Variants in TAFA2 observed in about 807,000 individuals in gnomAD.
TAFA2 encodes the protein TAFA chemokine like family member 2.
A neutral mutation model predicts 18.8 loss-of-function variants in TAFA2; 7 were observed. The observed-to-expected ratio is 0.37, with a 90% CI of 0.21 to 0.70. The LOEUF (loss-of-function observed/expected upper bound fraction) is 0.70. Among genes scored for constraint, TAFA2 ranks in the 30% least tolerant of loss-of-function variants. The pLI is 0.53. For missense variants in TAFA2, 122 were observed against 158.1 expected, an observed-to-expected ratio of 0.77 and a Z score of 1.23; for synonymous variants, 60 against 54.2, an observed-to-expected ratio of 1.11 and a Z score of -0.47.
chr12:62,174,541 G>A (rs934872304), intron 1 of TAFA2, among the ~76,000 whole-genome samples: 1 of 152,096 alleles, frequency 6.6e-6, no homozygotes, highest in African/African-American at 2.4e-5. Context: ...CATCAAATGT[G>A]AGGGATATCA....
intron 1 of TAFA2, among the ~76,000 whole-genome samples, chr12:61,913,378 G>T (rs1876691058): frequency 6.6e-6 from 1 of 152,264 alleles, no homozygotes; most frequent in Non-Finnish European, 1.5e-5. Context: ...ATATTTTATG[G>T]ATATGTGTTA....
chr12:62,172,881 A>G (rs2062487693), intron 1 of TAFA2, among the ~76,000 whole-genome samples: 1 of 152,258 alleles, frequency 6.6e-6, no homozygotes, highest in South Asian at 2.1e-4. Flanking sequence ...CCTGTGTTCA[A>G]TTCCAATTTA....
At chr12:61,941,162 T>C (rs1341043319) in intron 1 of TAFA2, among the ~76,000 whole-genome samples, 1 of 152,204 alleles carries the variant, frequency 6.6e-6, no homozygotes. Context: ...AGATATATTG[T>C]TACCATAAAC....
chr12:61,929,554 G>A (rs1289500576), intron 1 of TAFA2, among the ~76,000 whole-genome samples: 2 of 152,088 alleles, frequency 1.3e-5, no homozygotes, highest in Non-Finnish European at 2.9e-5. Context: ...TACACTGTTG[G>A]TGGGACTGTA....
At position 61,741,300 on chromosome 12, in the gene TAFA2, GTGTA is replaced by G. The variant is rs574691093; in HGVS notation, c.384+12318_384+12321del. On this transcript the variant is annotated intron_variant, in intron 4 of 4. Coordinates refer to ENST00000416284, the MANE Select transcript of TAFA2 (RefSeq NM_178539.5). ...TGTGTGTGTGAGTGTGTGTGTGTGTGTGTATGTGTCTCCATCTCTCTTGCATGTG... is the reference window on the plus strand; with the variant it reads ...TGTGTGTGTGAGTGTGTGTGTGTGTGTGTGTCTCCATCTCTCTTGCATGTG... 4.6e-5 allele frequency among the ~76,000 whole-genome samples: 7 copies of G among 151,612 alleles called. No individual in the cohort carries two copies. The South Asian group carries it at 1.5e-3, about 32-fold the overall frequency.
At chr12:61,855,146 T>C (rs1873831065) in intron 2 of TAFA2, among the ~76,000 whole-genome samples, 1 of 152,208 alleles carries the variant, frequency 6.6e-6, no homozygotes, top group Non-Finnish European at 1.5e-5. Flanking sequence ...CAGTTTGTCT[T>C]GGCAATAAGC....
intron 1 of TAFA2, among the ~76,000 whole-genome samples, chr12:61,893,949 A>T (rs1875736150): frequency 6.6e-6 from 1 of 152,212 alleles, no homozygotes; most frequent in Non-Finnish European, 1.5e-5. Flanking sequence ...GTTTCCCTAT[A>T]TGAACCCAAG....
intron 1 of TAFA2, among the ~76,000 whole-genome samples, chr12:62,182,871 A>G (rs1351584084): frequency 6.6e-6 from 1 of 152,238 alleles, no homozygotes; most frequent in Admixed American, 6.5e-5. Flanking sequence ...ACAGCTATAA[A>G]TAAGAATGAC....
chr12:62,227,159 G>T (rs946387573), intron 1 of TAFA2, among the ~76,000 whole-genome samples: 1 of 152,046 alleles, frequency 6.6e-6, no homozygotes, highest in South Asian at 2.1e-4. Flanking sequence ...TGTTCTGGTG[G>T]TGTAGAATTT....
intron 1 of TAFA2, among the ~76,000 whole-genome samples, chr12:61,910,706 T>C (rs991472253): frequency 1.3e-5 from 2 of 152,204 alleles, no homozygotes; most frequent in African/African-American, 4.8e-5. Context: ...AGGTCACACA[T>C]AACTATGAAA....
rs1013816165 is a variant in TAFA2, at chr12:61,708,442, T to C, written c.*1964A>G. On this transcript the variant is annotated 3_prime_UTR_variant, in exon 5 of 5. Coordinates refer to ENST00000416284, the MANE Select transcript of TAFA2 (RefSeq NM_178539.5). ...CAGTGTTGATTTAAAGAACATAGTTTAAAAAATGAGAAGCATGATGTATAA... is the reference window on the plus strand; with the variant it reads ...CAGTGTTGATTTAAAGAACATAGTTCAAAAAATGAGAAGCATGATGTATAA... 5.9e-5 allele frequency: 9 copies of C among 152,202 alleles called. No homozygotes were observed. The South Asian group carries it at 1.5e-3, about 25-fold the overall frequency. The allele number at this position is 152,202 out of a possible 1,614,324, so 9.4% of individuals were successfully genotyped here. A position where few individuals can be genotyped will look rare whatever the true frequency, so the allele number is the denominator to read the frequency against.
chr12:62,143,736 A>G (rs951720266), intron 1 of TAFA2, among the ~76,000 whole-genome samples: 1 of 152,122 alleles, frequency 6.6e-6, no homozygotes, highest in African/African-American at 2.4e-5. Context: ...CCTCAGTCAA[A>G]TTATCCTTTA....
chr12:62,159,769 G>A (rs1196743888), intron 1 of TAFA2, among the ~76,000 whole-genome samples: 2 of 152,210 alleles, frequency 1.3e-5, no homozygotes, highest in East Asian at 1.9e-4. Context: ...TATACTGCTC[G>A]GGTGATGGGT....
chr12:62,043,547 G>A (rs1331442659), intron 1 of TAFA2, among the ~76,000 whole-genome samples: 1 of 151,890 alleles, frequency 6.6e-6, no homozygotes, highest in Non-Finnish European at 1.5e-5. Flanking sequence ...ACACCAACAT[G>A]GCACATGTAT....
At chr12:62,176,483 T>C (rs1221187068) in intron 1 of TAFA2, among the ~76,000 whole-genome samples, 2 of 152,128 alleles carry the variant, frequency 1.3e-5, no homozygotes, top group Non-Finnish European at 2.9e-5. Flanking sequence ...TAATCGTACA[T>C]TTTGGCCTGA....
intron 1 of TAFA2, among the ~76,000 whole-genome samples, chr12:62,075,962 C>T (rs1282528986): frequency 6.6e-6 from 1 of 152,196 alleles, no homozygotes; most frequent in Non-Finnish European, 1.5e-5. Flanking sequence ...AGACCCTAAA[C>T]TGAACTTCAG....
At chr12:62,223,282 G>A (rs1373930451) in intron 1 of TAFA2, among the ~76,000 whole-genome samples, 1 of 152,052 alleles carries the variant, frequency 6.6e-6, no homozygotes, top group Non-Finnish European at 1.5e-5. Flanking sequence ...GGGCTCAAAT[G>A]ATCCTCCCAC....
chr12:61,753,052 T>C (rs1214738636), intron 4 of TAFA2, among the ~76,000 whole-genome samples: 1 of 151,958 alleles, frequency 6.6e-6, no homozygotes, highest in Non-Finnish European at 1.5e-5. Context: ...AAAGCTGAAA[T>C]ACATCAGTGT....
chr12:61,948,911 G>C (rs963316446), intron 1 of TAFA2, among the ~76,000 whole-genome samples: 1 of 152,138 alleles, frequency 6.6e-6, no homozygotes, highest in African/African-American at 2.4e-5. Flanking sequence ...CATCACTCCT[G>C]ACCTACCTTA....
Sources: gnomAD v4.1 joint callset for allele counts (sites outside exome capture counted in the v4.1 genomes callset) on GRCh38, gnomAD v4.1.1 for gene constraint, MANE v1.5 for transcripts, NCBI Gene and HGNC (gene_info 2026-07-23, HGNC 2026-07-21) for gene names.